Variants in FRMPD4 observed in about 807,000 individuals in gnomAD.
FRMPD4 encodes FERM and PDZ domain containing 4.
A neutral mutation model predicts 94.1 loss-of-function variants in FRMPD4; 22 were observed. The ratio of observed to expected loss-of-function variants is 0.23; its 90% CI spans 0.17 to 0.33. The LOEUF (loss-of-function observed/expected upper bound fraction) is 0.33. Among genes scored for constraint, FRMPD4 ranks in the 10% least tolerant of loss-of-function variants. The pLI, the probability that FRMPD4 is intolerant of heterozygous loss-of-function variation, is 1.00. For synonymous variants in FRMPD4, 631 were observed against 548.6 expected, an observed-to-expected ratio of 1.15 and a Z score of -2.10; for missense variants, 1,111 against 1,339.9, an observed-to-expected ratio of 0.83 and a Z score of 2.67.
intron 3 of FRMPD4, among the ~76,000 whole-genome samples, chrX:11,878,626 A>T (rs1257401449): frequency 8.9e-6 from 1 of 112,331 alleles, no homozygotes; most frequent in African/African-American, 3.2e-5. Flanking sequence ...GAAAGTTCAG[A>T]CTATTGCTGA....
At chrX:12,651,697 C>A (rs1158501665) in intron 4 of FRMPD4, among the ~76,000 whole-genome samples, 1 of 111,187 alleles carries the variant, frequency 9.0e-6, no homozygotes, top group African/African-American at 3.3e-5. Flanking sequence ...TATTAAATTC[C>A]TTTATTGTGA....
intron 2 of FRMPD4, among the ~76,000 whole-genome samples, chrX:12,515,672 G>C (rs1569309552): frequency 8.9e-6 from 1 of 112,053 alleles, no homozygotes; most frequent in East Asian, 2.8e-4. Context: ...TGTTATTTTT[G>C]AGTAGAGAGT....
chrX:12,473,855 CAAT>C (rs2057554098), intron 1 of FRMPD4, among the ~76,000 whole-genome samples: 1 of 109,803 alleles, frequency 9.1e-6, no homozygotes, highest in African/African-American at 3.5e-5. Flanking sequence ...GACTCCCACA[CAAT>C]AATAATGGGA....
At chrX:11,934,681 T>A (rs1252482756) in intron 3 of FRMPD4, among the ~76,000 whole-genome samples, 1 of 112,124 alleles carries the variant, frequency 8.9e-6, no homozygotes, top group Non-Finnish European at 1.9e-5. Flanking sequence ...CATACATGTG[T>A]TCCTTTGAGA....
At chrX:11,844,848 ATGT>A (rs764667746) in intron 1 of FRMPD4, among the ~76,000 whole-genome samples, 3 of 111,005 alleles carry the variant, frequency 2.7e-5, no homozygotes, top group Non-Finnish European at 5.7e-5. Context: ...TTTACATTTG[ATGT>A]TGTCCCACAA....
chrX:11,842,890 A>C (rs1397433215), intron 1 of FRMPD4, among the ~76,000 whole-genome samples: 1 of 109,311 alleles, frequency 9.1e-6, no homozygotes, highest in Non-Finnish European at 1.9e-5. Flanking sequence ...TGGGTTTGTC[A>C]TAGATAGCTC....
intron 1 of FRMPD4, among the ~76,000 whole-genome samples, chrX:12,278,546 A>T (rs981932231): frequency 8.0e-5 from 9 of 112,449 alleles, no homozygotes; most frequent in Admixed American, 6.6e-4. Context: ...TACCTAAAAA[A>T]ACTCCTCAGT....
At chrX:11,935,269 G>GTTTTTTTTTTTTTTTTTTT (rs1234166611) in intron 3 of FRMPD4, among the ~76,000 whole-genome samples, 3 of 5,011 alleles carry the variant, frequency 6.0e-4, no homozygotes, top group African/African-American at 8.8e-4. Flanking sequence ...TTTTTAATGT[G>GTTTTTTTTTTTTTTTTTTT]TTTTTTTTTT....
intron 2 of FRMPD4, among the ~76,000 whole-genome samples, chrX:12,526,556 C>T (rs2058225565): frequency 8.9e-6 from 1 of 111,899 alleles, no homozygotes; most frequent in South Asian, 3.8e-4. Context: ...GTCAGTTTCA[C>T]TCATCACACC....
intron 1 of FRMPD4, among the ~76,000 whole-genome samples, chrX:12,218,564 C>G (rs1415321221): frequency 2.7e-5 from 3 of 112,201 alleles, no homozygotes; most frequent in Non-Finnish European, 3.8e-5. Context: ...TTATTTTTCT[C>G]TACTTCTAGC....
At position 12,031,822 on chromosome X, in the gene FRMPD4, G is replaced by A. The variant is rs150208825; in HGVS notation, c.95+153804G>A. Among the ~76,000 whole-genome samples the A allele has an allele frequency of 2.3e-3, 258 of 112,104 alleles. 1 individual carries two copies. Among genetic ancestry groups the A allele is most frequent in the African/African-American group, 7.2e-3 (222 of 30,871 alleles). On this transcript the variant is annotated intron_variant, in intron 3 of 18. Coordinates refer to the FRMPD4 transcript ENST00000640291. ...GAAACAGGGCCAGAATGGAGTCAGA[G>A]GGACTTCTTAAGAGATAAGTTGTCT...
At chrX:12,042,629 G>A (rs921293889) in intron 3 of FRMPD4, among the ~76,000 whole-genome samples, 6 of 111,187 alleles carry the variant, frequency 5.4e-5, no homozygotes, top group African/African-American at 1.6e-4. Flanking sequence ...GCAGTTTTAC[G>A]TCTACCTCGG....
intron 2 of FRMPD4, among the ~76,000 whole-genome samples, chrX:12,510,372 T>G (rs185516090): frequency 8.9e-6 from 1 of 112,343 alleles, no homozygotes; most frequent in Non-Finnish European, 1.9e-5. Flanking sequence ...CACACTAATG[T>G]AAGATGTTAA....
chrX:12,378,096 T>C (rs1205786970), intron 1 of FRMPD4, among the ~76,000 whole-genome samples: 2 of 112,313 alleles, frequency 1.8e-5, no homozygotes, highest in Admixed American at 9.4e-5. Context: ...CGACTGATGC[T>C]TGCAGGGCAC....
chrX:12,381,536 A>G lies in FRMPD4; in HGVS notation c.42-117144A>G, dbSNP rs773883922. ...GTGTTTTTTTTGGGGAAGAAATTGT[A>G]TCCTAGTTACAAGATAAGAATATGA... On this transcript the variant is annotated intron_variant, in intron 1 of 16. Transcript: ENST00000675598. Among the ~76,000 whole-genome samples the G allele has an allele frequency of 3.6e-5, 4 of 112,110 alleles. No homozygotes were observed. In the South Asian group the frequency reaches 1.5e-3, roughly 42 times the overall value.
intron 3 of FRMPD4, among the ~76,000 whole-genome samples, chrX:12,091,840 A>G (rs1320464987): frequency 9.0e-6 from 1 of 111,557 alleles, no homozygotes; most frequent in Non-Finnish European, 1.9e-5. Context: ...ACCTTGGACC[A>G]GTTGAATTAG....
chrX:12,277,894 T>G (rs2054465212), intron 1 of FRMPD4, among the ~76,000 whole-genome samples: 1 of 112,386 alleles, frequency 8.9e-6, no homozygotes, highest in South Asian at 3.7e-4. Flanking sequence ...AGCACAGGTA[T>G]GAAACTTTTG....
chrX:12,100,732 T>C (rs745970617), intron 3 of FRMPD4, among the ~76,000 whole-genome samples: 4 of 112,275 alleles, frequency 3.6e-5, no homozygotes, highest in African/African-American at 1.3e-4. Context: ...CTTTCCACTC[T>C]CAAGCTCTCC....
At chrX:12,281,361 T>C (rs898489344) in intron 1 of FRMPD4, among the ~76,000 whole-genome samples, 13 of 107,494 alleles carry the variant, frequency 1.2e-4, no homozygotes, top group Admixed American at 2.1e-4. Context: ...GTCTTCATTT[T>C]TTAAAAAAGT....
Sources: allele counts gnomAD v4.1 joint callset (sites outside exome capture counted in the v4.1 genomes callset), GRCh38; gene constraint gnomAD v4.1.1; transcripts MANE v1.5; gene names NCBI Gene and HGNC (gene_info 2026-07-23, HGNC 2026-07-21).